AMOTL2: variants seen among roughly 807,000 people sequenced by gnomAD.
AMOTL2 encodes angiomotin like 2, also known as angiomotin-like protein 2.
A neutral mutation model predicts 78.4 loss-of-function variants in AMOTL2; 33 were observed. That is an observed-to-expected ratio of 0.42 (90% CI 0.32 to 0.56). The LOEUF is 0.56. Among genes scored for constraint, AMOTL2 ranks in the 20% least tolerant of loss-of-function variants. The pLI, the probability that AMOTL2 is intolerant of heterozygous loss-of-function variation, is 0.12. For missense variants in AMOTL2, 983 were observed against 1,030.1 expected, an observed-to-expected ratio of 0.95 and a Z score of 0.63; for synonymous variants, 422 against 428.8, an observed-to-expected ratio of 0.98 and a Z score of 0.20.
In AMOTL2 at chr3:134,360,101, C is replaced by G; in HGVS notation, c.1883+5G>C. ...ACCTCAGGTGCCTGGCCTGCAATGCCGAACCTGCTTTCCATCTCCTGATGC... is the reference window on the plus strand; with the variant it reads ...ACCTCAGGTGCCTGGCCTGCAATGCGGAACCTGCTTTCCATCTCCTGATGC... On this transcript the variant is annotated splice_donor_5th_base_variant and intron_variant, in intron 7 of 9. Transcript: ENST00000249883. The G allele has an allele frequency of 6.2e-7, 1 of 1,600,636 alleles. No homozygotes were observed.
rs770877034 is a variant in AMOTL2 at position 134,360,153 on chromosome 3, A to G, written c.1836T>C (p.Asn612=). 2 of 1,613,776 alleles carry G rather than the reference A, an allele frequency of 1.2e-6. No homozygotes were observed. The highest frequency in any genetic ancestry group is 1.7e-5 in the Admixed American group (1 of 60,004). Residue 612 remains asparagine, a synonymous_variant, in exon 7 of 10, where the codon AAT becomes AAC. Coordinates refer to ENST00000249883, the MANE Select transcript of AMOTL2 (RefSeq NM_016201.4). ...TGTGGCCACCAGTGAGCAGACCCTC[A>G]TTGAAGCTGCTGCTGGGTGAGGGCT... The part of the protein sequence containing the change: ...SPQPSPSSSF[N]EGLLTGGHRH...
chr3:134,367,578 C>G lies in AMOTL2; in HGVS notation c.960G>C (p.Glu320Asp). ...CATTGTCTCTCTGCAGCCTGGCATT[C>G]TCCCTCAGCACGGCCTCCATCTGGG... ...HLAQMEAVLR[E>D]NARLQRDNER... is the part of the protein sequence containing the mutation. The change falls in exon 3 of 10, where the codon GAG becomes GAC. Residue 320 changes from glutamate to aspartate, a missense_variant. Transcript: ENST00000249883. 1 of 1,613,554 alleles carries G rather than the reference C, an allele frequency of 6.2e-7. No individual in the cohort carries two copies. The highest frequency in any genetic ancestry group is 1.1e-5 in the South Asian group (1 of 91,058).
intron 6 of AMOTL2, 93 bp from the exon 7 acceptor site, chr3:134,360,506 T>TGTAC: frequency 9.0e-7 from 1 of 1,106,072 alleles, no homozygotes; most frequent in South Asian, 1.5e-5. Flanking sequence ...CACTTGTACA[T>TGTAC]GTACGTGTTC....
At chr3:134,367,460 T>G (rs1221105144) in intron 3 of AMOTL2, 37 bp downstream of exon 3, 1 of 1,602,176 alleles carries the variant, frequency 6.2e-7, no homozygotes, top group Non-Finnish European at 8.5e-7. Flanking sequence ...CGGGGTCTCT[T>G]TCTGGTCTGC....
Position 134,374,385 on chromosome 3 carries a change from T to C in AMOTL2, c.-105A>G, listed in dbSNP as rs1271777375. On this transcript the variant is annotated 5_prime_UTR_variant, in exon 1 of 10. Coordinates refer to ENST00000249883, the MANE Select transcript of AMOTL2 (RefSeq NM_016201.4). The stretch of plus-strand genomic sequence containing the variant: ...CCCAGCGCAGTCAGACACCACAACC[T>C]CCGGCTCGGCCCAGCTCAGCTCGGC... 4.1e-6 allele frequency: 4 copies of C among 984,782 alleles called. No individual in the cohort carries two copies. The highest frequency in any genetic ancestry group is 1.2e-4 in the East Asian group (1 of 8,686). 61.0% of individuals were successfully genotyped at this position (984,782 alleles called of 1,614,324 possible).
At chr3:134,363,297 G>C (rs2017453264) in intron 5 of AMOTL2, among the ~76,000 whole-genome samples, 1 of 95,976 alleles carries the variant, frequency 1.0e-5, no homozygotes, top group African/African-American at 3.0e-5. Flanking sequence ...CTGTGGCATG[G>C]AGGAAAATAC....
At chr3:134,367,040 C>T (rs958029578) in intron 3 of AMOTL2, among the ~76,000 whole-genome samples, 2 of 152,188 alleles carry the variant, frequency 1.3e-5, no homozygotes, top group African/African-American at 4.8e-5. Context: ...TGGCAGGTTC[C>T]GCACGTGCTC....
chr3:134,370,917 G>A lies in AMOTL2; in HGVS notation c.517C>T (p.Arg173Trp), dbSNP rs746129024. Residue 173 changes from arginine to tryptophan, a missense_variant, in exon 2 of 10, where the codon CGG becomes TGG. By Grantham distance (101) the Arg-to-Trp change is moderately radical. Coordinates refer to ENST00000249883, the MANE Select transcript of AMOTL2 (RefSeq NM_016201.4). ...LQLSLERNGA[R>W]APSHMSSSHS... ...GAGGAGCTCATGTGGCTGGGGGCCC[G>A]GGCGCCGTTCCTCTCCAGGGACAAC... 72 of 1,612,068 alleles carry A rather than the reference G, an allele frequency of 4.5e-5. 1 individual carries two copies. The highest frequency in any genetic ancestry group is 3.3e-4 in the South Asian group (30 of 91,028).
In AMOTL2 at chr3:134,367,564, T is replaced by C. The variant is rs779544768; in HGVS notation, c.974A>G (p.Gln325Arg). The C allele has an allele frequency of 6.2e-7, 1 of 1,613,412 alleles. No homozygotes were observed. The highest frequency in any genetic ancestry group is 1.1e-5 in the South Asian group (1 of 91,044). ...EAVLRENARL[Q>R]RDNERLQREL... ...CCTCTGCAGCCGCTCATTGTCTCTC[T>C]GCAGCCTGGCATTCTCCCTCAGCAC... Residue 325 changes from glutamine (Q) to arginine (R), a missense_variant, in exon 3 of 10, where the codon CAG becomes CGG. Coordinates refer to ENST00000249883, the MANE Select transcript of AMOTL2 (RefSeq NM_016201.4).
upstream of AMOTL2, chr3:134,374,508 C>G (rs1291743360): frequency 1.0e-6 from 1 of 985,480 alleles, no homozygotes; most frequent in African/African-American, 1.7e-5. Flanking sequence ...GGCTGCTATG[C>G]CAGGAATGTG....
At position 134,373,556 on chromosome 3, in the gene AMOTL2, T is replaced by G. The variant is rs7629849; in HGVS notation, c.-62+786A>C. The G allele has an allele frequency of 9.8e-3, 9,617 of 985,494 alleles. 680 individuals carry two copies. In the African/African-American group the frequency reaches 0.15, roughly 16 times the overall value. 61.0% of individuals were successfully genotyped at this position (985,494 alleles called of 1,614,324 possible). A position where few individuals can be genotyped will look rare whatever the true frequency, so the allele number is the denominator to read the frequency against. ...CCGCTGCGCTCTCTGAAGGCCGCCT[T>G]TCTAAGCCAGCGCGCGTCTCCAGCC... On this transcript the variant is annotated intron_variant, in intron 1 of 9. Transcript: ENST00000249883.
In AMOTL2 at chr3:134,361,839, G is replaced by A. The variant is rs374777088; in HGVS notation, c.1280-32C>T. The A allele has an allele frequency of 6.7e-6, 10 of 1,494,184 alleles. No homozygotes were observed. The African/African-American group carries it at 8.3e-5, about 12-fold the overall frequency. 92.6% of individuals were successfully genotyped at this position (1,494,184 alleles called of 1,614,324 possible). Reference sequence around the variant, plus strand: ...GGAGAAAGAGGCTTGATCAGTGACAGTGACCACGTTGGCTGGCCCCATTGC... The same window carrying A: ...GGAGAAAGAGGCTTGATCAGTGACAATGACCACGTTGGCTGGCCCCATTGC... On this transcript the variant is annotated intron_variant, in intron 5 of 9. Coordinates refer to ENST00000249883, the MANE Select transcript of AMOTL2 (RefSeq NM_016201.4).
In AMOTL2 at chr3:134,370,954, T is replaced by C; in HGVS notation, c.480A>G (p.Glu160=). The change falls in exon 2 of 10, where the codon GAA becomes GAG. Residue 160 remains glutamate, a synonymous_variant. Transcript: ENST00000249883. ...LRHGHVRSLS[E]RLLQLSLERN... is the part of the protein sequence containing the mutation. ...TCTCCAGGGACAACTGAAGGAGCCG[T>C]TCACTCAACGAGCGCACGTGCCCAT... 3 of 1,610,956 alleles carry C rather than the reference T, an allele frequency of 1.9e-6. No individual in the cohort carries two copies. The highest frequency in any genetic ancestry group is 2.5e-6 in the Non-Finnish European group (3 of 1,178,756).
At chr3:134,372,836 G>GCCT (rs2017926764) in intron 1 of AMOTL2, among the ~76,000 whole-genome samples, 1 of 150,810 alleles carries the variant, frequency 6.6e-6, no homozygotes. Context: ...CTCTCACCCA[G>GCCT]CTTCCTTTCC....
rs1227612604 is a variant in AMOTL2 at position 134,371,262 on chromosome 3, G to A, written c.172C>T (p.Leu58=). ...TGSPQASLEI[L]APEDSQVLQQ... is the part of the protein sequence containing the mutation. ...AGCACCTGACTGTCCTCTGGGGCCA[G>A]GATCTCCAGGGAGGCCTGGGGGCTC... is the stretch of plus-strand genomic sequence containing the variant. Residue 58 remains leucine (L), a synonymous_variant, in exon 2 of 10, where the codon CTG becomes TTG. Transcript: ENST00000249883. 5.6e-6 allele frequency: 9 copies of A among 1,612,684 alleles called. No individual in the cohort carries two copies. The African/African-American group carries it at 1.2e-4, about 22-fold the overall frequency.
rs550493627 is a variant in AMOTL2 at position 134,363,612 on chromosome 3, C to T, written c.1280-1805G>A. Among the ~76,000 whole-genome samples, 14 of 152,334 alleles carry T rather than the reference C, an allele frequency of 9.2e-5. No individual in the cohort carries two copies. The South Asian group carries it at 1.2e-3, about 14-fold the overall frequency. ...CAGCCTCAGGCCTCAAGGCCAGATC[C>T]CCAGGGGGCACTGCTGGCCTAGAAG... is the stretch of plus-strand genomic sequence containing the variant. On this transcript the variant is annotated intron_variant, in intron 5 of 9. Coordinates refer to ENST00000249883, the MANE Select transcript of AMOTL2 (RefSeq NM_016201.4).
At chr3:134,371,580 T>C in intron 1 of AMOTL2, 86 bp from the exon 2 acceptor site, 1 of 1,462,820 alleles carries the variant, frequency 6.8e-7, no homozygotes, top group Non-Finnish European at 9.0e-7. Flanking sequence ...TTTCCATTAT[T>C]ACTCTGGTGG....
chr3:134,360,813 C>T (rs142161671), intron 6 of AMOTL2, among the ~76,000 whole-genome samples: 3 of 152,272 alleles, frequency 2.0e-5, no homozygotes, highest in African/African-American at 4.8e-5. Context: ...CACAGAAGTC[C>T]GAAGTGAGGC....
rs147082910 is a variant in AMOTL2, at chr3:134,370,941, A to G, written c.493T>C (p.Leu165=). The G allele has an allele frequency of 1.5e-5, 24 of 1,611,642 alleles. No individual in the cohort carries two copies. The African/African-American group carries it at 3.2e-4, about 22-fold the overall frequency. ...VRSLSERLLQ[L]SLERNGARAP... ...CGGGCGCCGTTCCTCTCCAGGGACA[A>G]CTGAAGGAGCCGTTCACTCAACGAG... Residue 165 remains leucine (L), a synonymous_variant, in exon 2 of 10, where the codon TTG becomes CTG. Coordinates refer to ENST00000249883, the MANE Select transcript of AMOTL2 (RefSeq NM_016201.4).
Sources: allele counts gnomAD v4.1 joint callset (sites outside exome capture counted in the v4.1 genomes callset), GRCh38; gene constraint gnomAD v4.1.1; transcripts MANE v1.5; gene names NCBI Gene and HGNC (gene_info 2026-07-23, HGNC 2026-07-21).